Variants in GCNT2 observed in about 807,000 individuals in gnomAD.
The protein encoded by GCNT2 is glucosaminyl (N-acetyl) transferase 2 (I blood group).
GCNT2 carries 34 observed loss-of-function variants against 34.2 expected under a neutral mutation model. That is an observed-to-expected ratio of 1.00 (90% confidence interval 0.76 to 1.32). The LOEUF (loss-of-function observed/expected upper bound fraction) is 1.32. GCNT2 is among the 40% of genes most tolerant of loss of function. The probability of loss-of-function intolerance (pLI) is 0.00; values close to 1 mark genes in which losing one functional copy is unlikely to be tolerated. For synonymous variants in GCNT2, 212 were observed against 188.0 expected, an observed-to-expected ratio of 1.13 and a Z score of -1.04; for missense variants, 584 against 489.4, an observed-to-expected ratio of 1.19 and a Z score of -1.82.
intron 1 of GCNT2, among the ~76,000 whole-genome samples, chr6:10,526,750 G>A (rs550157031): frequency 5.5e-4 from 84 of 152,292 alleles, no homozygotes; most frequent in Non-Finnish European, 4.4e-5. Flanking sequence ...CTATAGGCAA[G>A]AGGTAAATGA....
At chr6:10,621,300 C>A (rs1276508516) in intron 3 of GCNT2, 51 bp from the exon 4 acceptor site, 1 of 1,135,990 alleles carries the variant, frequency 8.8e-7, no homozygotes, top group Non-Finnish European at 1.3e-6. Flanking sequence ...GAAATTGATG[C>A]CCTTCTCTCA....
At chr6:10,546,520 G>A (rs544949) in intron 3 of GCNT2, among the ~76,000 whole-genome samples, 64,135 of 151,940 alleles carry the variant, frequency 0.42, 15,753 homozygotes, top group African/African-American at 0.7. Context: ...TTAGCCAGGC[G>A]TGGTGGCAGG....
At position 10,627,658 on chromosome 6, in the gene GCNT2, T is replaced by C. The variant is rs1334407836; in HGVS notation, c.*1051T>C. 6.6e-6 allele frequency: 1 copy of C among 152,204 alleles called. No individual in the cohort carries two copies. The highest frequency in any genetic ancestry group is 1.5e-5 in the Non-Finnish European group (1 of 68,032). The allele number at this position is 152,204 out of a possible 1,614,324, so 9.4% of individuals were successfully genotyped here. A position where few individuals can be genotyped will look rare whatever the true frequency, so the allele number is the denominator to read the frequency against. On this transcript the variant is annotated 3_prime_UTR_variant, in exon 5 of 5. Coordinates refer to ENST00000495262, the MANE Select transcript of GCNT2 (RefSeq NM_145649.5). ...ATCAACATCTCTTGAGTGTCTATTATGTACAGGACATGTACTGAGACAAAA... is the reference window on the plus strand; with the variant it reads ...ATCAACATCTCTTGAGTGTCTATTACGTACAGGACATGTACTGAGACAAAA...
In GCNT2 at chr6:10,627,851, A is replaced by C. The variant is rs889542105; in HGVS notation, c.*1244A>C. On this transcript the variant is annotated 3_prime_UTR_variant, in exon 5 of 5. Coordinates refer to ENST00000495262, the MANE Select transcript of GCNT2 (RefSeq NM_145649.5). ...ATCAGTAATTACAAATTAAGGGTTA[A>C]ATCAGAGATTATTCAACAGAGAGGG... 6.6e-6 allele frequency: 1 copy of C among 152,244 alleles called. No homozygotes were observed. The highest frequency in any genetic ancestry group is 1.5e-5 in the Non-Finnish European group (1 of 68,036). The allele number at this position is 152,244 out of a possible 1,614,324, so 9.4% of individuals were successfully genotyped here. A position where few individuals can be genotyped will look rare whatever the true frequency, so the allele number is the denominator to read the frequency against.
intron 3 of GCNT2, among the ~76,000 whole-genome samples, chr6:10,608,825 ATG>A (rs1217848003): frequency 1.3e-5 from 2 of 152,198 alleles, no homozygotes; most frequent in African/African-American, 4.8e-5. Context: ...GAATTCCCAG[ATG>A]TGTGGCAGGA....
Position 10,521,426 on chromosome 6 carries a change from A to AG in GCNT2, c.-469+11dup, listed in dbSNP as rs1760910523. 6.5e-6 allele frequency: 1 copy of AG among 153,032 alleles called. No individual in the cohort carries two copies. Among genetic ancestry groups the AG allele is most frequent in the Non-Finnish European group, 1.5e-5 (1 of 68,160 alleles). The allele number at this position is 153,032 out of a possible 1,614,324, so 9.5% of individuals were successfully genotyped here. Reference sequence around the variant, plus strand: ...CCTGGGAACTGAGAGAGGTAGGTGGAGGTCAGCGTGCTGGGAAACTGGTGG... The same window carrying AG: ...CCTGGGAACTGAGAGAGGTAGGTGGAGGGTCAGCGTGCTGGGAAACTGGTGG... On this transcript the variant is annotated intron_variant, in intron 1 of 4. Coordinates refer to ENST00000495262, the MANE Select transcript of GCNT2 (RefSeq NM_145649.5).
At chr6:10,541,228 C>T (rs1040377307) in intron 3 of GCNT2, among the ~76,000 whole-genome samples, 2 of 152,138 alleles carry the variant, frequency 1.3e-5, no homozygotes, top group Admixed American at 6.5e-5. Context: ...CATAAGTTCT[C>T]ATCAATCAGC....
chr6:10,570,869 C>T (rs563071659), intron 3 of GCNT2, among the ~76,000 whole-genome samples: 136 of 152,260 alleles, frequency 8.9e-4, no homozygotes, highest in African/African-American at 3.0e-3. Flanking sequence ...TGGAGTTAAC[C>T]GGCTTCCTCC....
Position 10,537,698 on chromosome 6 carries a change from C to CAAAAAA in GCNT2, c.925+7885_925+7890dup, listed in dbSNP as rs201257236. On this transcript the variant is annotated intron_variant, in intron 3 of 4. Coordinates refer to ENST00000495262, the MANE Select transcript of GCNT2 (RefSeq NM_145649.5). ...CCTGGGCAAGAGGGAGATTCTGCCGCAAAAAAAAAAAAAAAAAAAAAAAAA... is the reference window on the plus strand; with the variant it reads ...CCTGGGCAAGAGGGAGATTCTGCCGCAAAAAAAAAAAAAAAAAAAAAAAAAAAAAAA... Among the ~76,000 whole-genome samples the CAAAAAA allele has an allele frequency of 1.6e-3, 131 of 83,180 alleles. 1 individual carries two copies. Among genetic ancestry groups the CAAAAAA allele is most frequent in the Non-Finnish European group, 2.1e-3 (96 of 44,780 alleles). 54.6% of individuals were successfully genotyped at this position (83,180 alleles called of 152,430 possible).
At chr6:10,585,327 G>A (rs1184956748) in intron 3 of GCNT2, among the ~76,000 whole-genome samples, 1 of 152,016 alleles carries the variant, frequency 6.6e-6, no homozygotes, top group African/African-American at 2.4e-5. Context: ...CTACACGTGC[G>A]TGCCACCATG....
At chr6:10,565,379 G>T (rs1311209252) in intron 3 of GCNT2, among the ~76,000 whole-genome samples, 1 of 152,072 alleles carries the variant, frequency 6.6e-6, no homozygotes, top group East Asian at 1.9e-4. Flanking sequence ...AAGCTGGTGG[G>T]ATCAAGGGAA....
chr6:10,542,893 CTTTTTTTTTTTTT>C (rs869251646), intron 3 of GCNT2, among the ~76,000 whole-genome samples: 1 of 82,260 alleles, frequency 1.2e-5, no homozygotes, highest in Non-Finnish European at 2.3e-5. Flanking sequence ...TATGTTAATT[CTTTTTTTTTTTTT>C]TTTTTTTTTT....
At chr6:10,531,428 A>G (rs543044059) in intron 3 of GCNT2, among the ~76,000 whole-genome samples, 3 of 152,352 alleles carry the variant, frequency 2.0e-5, no homozygotes, top group South Asian at 4.1e-4. Flanking sequence ...GATGCACATT[A>G]CGATCATCTG....
chr6:10,550,701 C>T (rs1395574538), intron 3 of GCNT2, among the ~76,000 whole-genome samples: 1 of 151,808 alleles, frequency 6.6e-6, no homozygotes, highest in Non-Finnish European at 1.5e-5. Flanking sequence ...CAAGCTGGTC[C>T]CAAACTCCTG....
Position 10,586,940 on chromosome 6 carries a change from G to C in GCNT2, c.926-34411G>C, listed in dbSNP as rs371310257. 3.3e-6 allele frequency: 5 copies of C among 1,510,874 alleles called. No individual in the cohort carries two copies. In the African/African-American group the frequency reaches 6.9e-5, roughly 21 times the overall value. The allele number at this position is 1,510,874 out of a possible 1,614,324, so 93.6% of individuals were successfully genotyped here. ...GTAGGTACTAATTTCCATTCTGATT[G>C]ATAGATTGAGTTTGCTAACATTCTG... On this transcript the variant is annotated intron_variant, in intron 3 of 4. Coordinates refer to ENST00000495262, the MANE Select transcript of GCNT2 (RefSeq NM_145649.5).
chr6:10,619,535 G>C (rs1048175338), intron 3 of GCNT2: 1 of 151,920 alleles, frequency 6.6e-6, no homozygotes, highest in Non-Finnish European at 1.5e-5. Flanking sequence ...AAAATTTTTA[G>C]TAGAGATAGG....
chr6:10,544,825 A>G (rs928980569), intron 3 of GCNT2, among the ~76,000 whole-genome samples: 3 of 151,354 alleles, frequency 2.0e-5, no homozygotes, highest in Non-Finnish European at 2.9e-5. Flanking sequence ...GGCACCTGTA[A>G]TCTGAGCTAC....
chr6:10,594,339 G>A (rs1764760581), intron 3 of GCNT2, among the ~76,000 whole-genome samples: 1 of 152,192 alleles, frequency 6.6e-6, no homozygotes, highest in Non-Finnish European at 1.5e-5. Flanking sequence ...ATAAAAACTA[G>A]TTGATATAAG....
rs372894404 is a variant in GCNT2 at position 10,526,147 on chromosome 6, TGAA to T, written c.-468-1322_-468-1320del. On this transcript the variant is annotated intron_variant, in intron 1 of 4. Coordinates refer to ENST00000495262, the MANE Select transcript of GCNT2 (RefSeq NM_145649.5). ...GATTGATTTTGTATGCGTTCTGTATTGAAGAAGTGATTTGTTCAAAAGAATTCT... is the reference window on the plus strand; with the variant it reads ...GATTGATTTTGTATGCGTTCTGTATTGAAGTGATTTGTTCAAAAGAATTCT... Among the ~76,000 whole-genome samples the T allele has an allele frequency of 2.7e-4, 41 of 152,336 alleles. 2 individuals are homozygous for T. The South Asian group carries it at 7.9e-3, about 29-fold the overall frequency.
Sources: allele counts gnomAD v4.1 joint callset (sites outside exome capture counted in the v4.1 genomes callset), GRCh38; gene constraint gnomAD v4.1.1; transcripts MANE v1.5; gene names NCBI Gene and HGNC (gene_info 2026-07-23, HGNC 2026-07-21).